Variants in CNTNAP5 observed in about 807,000 individuals in gnomAD.
The protein encoded by CNTNAP5 is contactin-associated protein-like 5.
A neutral mutation model predicts 150.2 loss-of-function variants in CNTNAP5; 72 were observed. The observed-to-expected ratio is 0.48, with a 90% CI of 0.40 to 0.58. The LOEUF (loss-of-function observed/expected upper bound fraction) is 0.58. CNTNAP5 is among the 20% of genes least tolerant of loss of function. The pLI is 0.00. For synonymous variants in CNTNAP5, 672 were observed against 619.8 expected, an observed-to-expected ratio of 1.08 and a Z score of -1.25; for missense variants, 1,636 against 1,626.2, an observed-to-expected ratio of 1.01 and a Z score of -0.10.
intron 1 of CNTNAP5, among the ~76,000 whole-genome samples, chr2:124,111,758 C>G (rs139801245): frequency 6.6e-6 from 1 of 152,190 alleles, no homozygotes; most frequent in Non-Finnish European, 1.5e-5. Flanking sequence ...TCCTTCTTCA[C>G]GTTAATCATA....
rs534014117 is a variant in CNTNAP5 at position 124,891,330 on chromosome 2, C to A, written c.3437-11552C>A. Among the ~76,000 whole-genome samples, 107 of 152,124 alleles carry A rather than the reference C, an allele frequency of 7.0e-4. 1 individual carries two copies. The highest frequency in any genetic ancestry group is 2.5e-3 in the African/African-American group (103 of 41,520). ...AGTCTCTCTAGTAGGCAGAAAGTACCAGCCCTCTTGAAAGCTAGTCTCAGA... is the reference window on the plus strand; with the variant it reads ...AGTCTCTCTAGTAGGCAGAAAGTACAAGCCCTCTTGAAAGCTAGTCTCAGA... On this transcript the variant is annotated intron_variant, in intron 21 of 23. Coordinates refer to ENST00000682447, the MANE Select transcript of CNTNAP5 (RefSeq NM_001367498.1).
intron 1 of CNTNAP5, among the ~76,000 whole-genome samples, chr2:124,052,724 T>G (rs1397370174): frequency 6.6e-6 from 1 of 152,228 alleles, no homozygotes. Context: ...TCTCCTCTCA[T>G]GCAGCAAATA....
At chr2:124,387,471 G>A (rs972377183) in intron 3 of CNTNAP5, among the ~76,000 whole-genome samples, 1 of 152,222 alleles carries the variant, frequency 6.6e-6, no homozygotes, top group African/African-American at 2.4e-5. Flanking sequence ...AGTCAGCGAA[G>A]GGAGATGGAT....
intron 9 of CNTNAP5, 53 bp downstream of exon 9, chr2:124,524,505 T>C: frequency 1.3e-6 from 2 of 1,512,918 alleles, no homozygotes; most frequent in Non-Finnish European, 1.8e-6. Flanking sequence ...GAAATTTAAG[T>C]GGGCAATTAT....
At chr2:124,079,436 C>T (rs557223852) in intron 1 of CNTNAP5, among the ~76,000 whole-genome samples, 2 of 152,256 alleles carry the variant, frequency 1.3e-5, no homozygotes, top group African/African-American at 4.8e-5. Flanking sequence ...ACCACCCATT[C>T]AACCTCTAAA....
At chr2:124,657,676 C>T (rs1182412991) in intron 13 of CNTNAP5, among the ~76,000 whole-genome samples, 4 of 152,196 alleles carry the variant, frequency 2.6e-5, no homozygotes, top group Non-Finnish European at 4.4e-5. Flanking sequence ...CTGTAGCCTG[C>T]AGAGCTCTGC....
intron 13 of CNTNAP5, among the ~76,000 whole-genome samples, chr2:124,732,760 A>T (rs1218279803): frequency 1.3e-5 from 2 of 152,166 alleles, no homozygotes; most frequent in Non-Finnish European, 2.9e-5. Flanking sequence ...CTTATTTCAA[A>T]CTTTAATTTA....
chr2:124,470,981 G>T (rs557277899), intron 6 of CNTNAP5, among the ~76,000 whole-genome samples: 1 of 152,236 alleles, frequency 6.6e-6, no homozygotes, highest in East Asian at 1.9e-4. Flanking sequence ...TAGCCTTGTA[G>T]TATAGTTTGA....
chr2:124,743,623 T>C (rs1464759434), intron 13 of CNTNAP5, among the ~76,000 whole-genome samples: 1 of 152,146 alleles, frequency 6.6e-6, no homozygotes, highest in Non-Finnish European at 1.5e-5. Flanking sequence ...GCGTTCAGCA[T>C]TCGGGGGCAG....
intron 17 of CNTNAP5, among the ~76,000 whole-genome samples, chr2:124,780,753 A>T (rs1035569393): frequency 6.6e-6 from 1 of 152,148 alleles, no homozygotes; most frequent in East Asian, 1.9e-4. Flanking sequence ...TTTACTTGTG[A>T]TTTAAGCATA....
At chr2:124,029,645 GT>G (rs1680990007) in intron 1 of CNTNAP5, among the ~76,000 whole-genome samples, 1 of 151,806 alleles carries the variant, frequency 6.6e-6, no homozygotes, top group Admixed American at 6.6e-5. Context: ...CTAAATTGCA[GT>G]TTTCTTTCTT....
chr2:124,604,974 T>G (rs1331423515), intron 11 of CNTNAP5, among the ~76,000 whole-genome samples: 1 of 152,148 alleles, frequency 6.6e-6, no homozygotes, highest in African/African-American at 2.4e-5. Context: ...TTCTTGGGAT[T>G]TTTTTCTGAG....
intron 1 of CNTNAP5, among the ~76,000 whole-genome samples, chr2:124,205,537 G>C (rs549075788): frequency 9.2e-5 from 14 of 151,496 alleles, no homozygotes; most frequent in African/African-American, 3.2e-4. Context: ...TCCTGCCTCA[G>C]CCTCCCAAGT....
At chr2:124,775,572 C>A (rs545446507) in intron 17 of CNTNAP5, among the ~76,000 whole-genome samples, 1 of 152,234 alleles carries the variant, frequency 6.6e-6, no homozygotes, top group South Asian at 2.1e-4. Context: ...AAATAGGCTG[C>A]GTTTTTACAA....
chr2:124,905,729 A>G (rs1038193065), intron 22 of CNTNAP5, among the ~76,000 whole-genome samples: 26 of 152,102 alleles, frequency 1.7e-4, no homozygotes, highest in Non-Finnish European at 3.5e-4. Flanking sequence ...GAGAAAGGGG[A>G]AAGTGTGGTG....
intron 5 of CNTNAP5, among the ~76,000 whole-genome samples, chr2:124,438,502 A>C (rs1171540708): frequency 6.6e-6 from 1 of 152,150 alleles, no homozygotes; most frequent in Non-Finnish European, 1.5e-5. Flanking sequence ...GCAATCCCCA[A>C]TACATACAGC....
intron 7 of CNTNAP5, among the ~76,000 whole-genome samples, chr2:124,486,358 G>A (rs1186245051): frequency 6.6e-6 from 1 of 152,160 alleles, no homozygotes; most frequent in East Asian, 1.9e-4. Flanking sequence ...AGTGTACACT[G>A]CTTGGGTGAC....
At chr2:124,857,031 C>T in intron 19 of CNTNAP5, among the ~76,000 whole-genome samples, 1 of 152,060 alleles carries the variant, frequency 6.6e-6, no homozygotes, top group Non-Finnish European at 1.5e-5. Context: ...GTGACCAAAT[C>T]CCAGTAGGCT....
In CNTNAP5 at chr2:124,869,726, A is replaced by G. The variant is rs201052185; in HGVS notation, c.3400A>G (p.Arg1134Gly). The change falls in exon 21 of 24, where the codon AGG (arginine) becomes GGG (glycine). Residue 1134 changes from arginine (R) to glycine (G), a missense_variant. Physicochemically the swap from Arg to Gly is moderately radical, Grantham distance 125. Transcript: ENST00000682447. ...SYNFSPEVEF[R>G]VIRSLTLGKV... ...TAACTTCTCTCCGGAAGTAGAGTTC[A>G]GGGTTATAAGGTCACTCACCTTGGG... The G allele has an allele frequency of 7.1e-5, 114 of 1,612,160 alleles. No individual in the cohort carries two copies. The highest frequency in any genetic ancestry group is 4.5e-4 in the East Asian group (20 of 44,748).
Sources: gnomAD v4.1 joint callset for allele counts (sites outside exome capture counted in the v4.1 genomes callset) on GRCh38, gnomAD v4.1.1 for gene constraint, MANE v1.5 for transcripts, NCBI Gene and HGNC (gene_info 2026-07-23, HGNC 2026-07-21) for gene names.